STPG2: variants seen among roughly 807,000 people sequenced by gnomAD.
The protein encoded by STPG2 is sperm tail PG-rich repeat containing 2.
Under a neutral mutation model 54.2 loss-of-function variants are expected in STPG2, and 56 were observed. The ratio of observed to expected loss-of-function variants is 1.03; its 90% confidence interval spans 0.83 to 1.29. The LOEUF (loss-of-function observed/expected upper bound fraction) is 1.29, where lower values mean the gene tolerates loss of function less well. Among genes scored for constraint, STPG2 ranks in the 50% most tolerant of loss-of-function variants. The pLI, the probability that STPG2 is intolerant of heterozygous loss-of-function variation, is 0.00. For synonymous variants in STPG2, 200 were observed against 181.8 expected (o/e 1.10, Z -0.81); for missense variants, 596 against 544.9 (o/e 1.09, Z -0.93).
Position 97,475,485 on chromosome 4 carries a change from T to A in STPG2, c.462+237214A>T, listed in dbSNP as rs538767047. Among the ~76,000 whole-genome samples, 276 of 149,304 alleles carry A rather than the reference T, an allele frequency of 1.8e-3. 1 individual carries two copies. The highest frequency in any genetic ancestry group is 6.4e-3 in the African/African-American group (263 of 40,996). ...ATATATGTTATATATAATACATATATAATATATGCATATATGTAAAATATG... is the reference window on the plus strand; with the variant it reads ...ATATATGTTATATATAATACATATAAAATATATGCATATATGTAAAATATG... On this transcript the variant is annotated intron_variant, in intron 4 of 4. Transcript: ENST00000522676.
downstream of STPG2, among the ~76,000 whole-genome samples, chr4:97,557,316 A>C (rs985294139): frequency 6.6e-6 from 1 of 152,220 alleles, no homozygotes; most frequent in Non-Finnish European, 1.5e-5. Context: ...TTCCCTAGTT[A>C]GCAATCAGAG....
intron 7 of STPG2, among the ~76,000 whole-genome samples, chr4:97,970,060 T>C (rs1408210402): frequency 6.6e-6 from 1 of 152,182 alleles, no homozygotes; most frequent in Non-Finnish European, 1.5e-5. Flanking sequence ...CCATTCACAA[T>C]TGCTTCAAAG....
intron 8 of STPG2, among the ~76,000 whole-genome samples, chr4:97,888,749 A>G (rs767679586): frequency 6.6e-4 from 101 of 152,124 alleles, no homozygotes; most frequent in Non-Finnish European, 1.2e-3. Context: ...TTGGGAGGGG[A>G]CAGAGGTGGA....
chr4:97,895,805 C>A (rs532540848), intron 8 of STPG2, among the ~76,000 whole-genome samples: 5 of 151,728 alleles, frequency 3.3e-5, no homozygotes, highest in African/African-American at 4.8e-5. Flanking sequence ...GGCTCTCAAT[C>A]CTGTCTGTGG....
chr4:98,137,327 A>G (rs1740161595), intron 1 of STPG2, among the ~76,000 whole-genome samples: 1 of 151,008 alleles, frequency 6.6e-6, no homozygotes, highest in Non-Finnish European at 1.5e-5. Flanking sequence ...AGTTATTACC[A>G]TAATAATCAG....
intron 10 of STPG2, among the ~76,000 whole-genome samples, chr4:97,582,721 G>T (rs1732892918): frequency 6.6e-6 from 1 of 152,016 alleles, no homozygotes; most frequent in African/African-American, 2.4e-5. Flanking sequence ...AAGTTCAACT[G>T]CTGTATTTAC....
At chr4:97,690,387 G>T (rs1041552102) in intron 10 of STPG2, among the ~76,000 whole-genome samples, 1 of 152,040 alleles carries the variant, frequency 6.6e-6, no homozygotes, top group Non-Finnish European at 1.5e-5. Context: ...CCAGAAGGTA[G>T]CCACTTTTAG....
chr4:97,919,323 G>T (rs1333663745), intron 8 of STPG2, among the ~76,000 whole-genome samples: 1 of 150,574 alleles, frequency 6.6e-6, no homozygotes, highest in Non-Finnish European at 1.5e-5. Flanking sequence ...CACAAGAAAT[G>T]CAAAAGAAAA....
intron 7 of STPG2, among the ~76,000 whole-genome samples, chr4:97,967,577 A>G (rs1481441719): frequency 6.6e-6 from 1 of 152,196 alleles, no homozygotes; most frequent in Non-Finnish European, 1.5e-5. Context: ...ACCACACTGC[A>G]CCTATTCCAA....
At chr4:97,506,963 T>C (rs1358922085) in intron 4 of STPG2, among the ~76,000 whole-genome samples, 1 of 151,988 alleles carries the variant, frequency 6.6e-6, no homozygotes, top group African/African-American at 2.4e-5. Flanking sequence ...AATCCAAACT[T>C]GAAAATCATA....
chr4:97,633,772 G>C (rs1721389390), intron 10 of STPG2: 1 of 154,128 alleles, frequency 6.5e-6, no homozygotes, highest in African/African-American at 2.4e-5. Flanking sequence ...CCCGAATACT[G>C]CGCTTTTCCG....
intron 10 of STPG2, among the ~76,000 whole-genome samples, chr4:97,659,663 T>C (rs1204205402): frequency 6.6e-6 from 1 of 152,226 alleles, no homozygotes; most frequent in Non-Finnish European, 1.5e-5. Flanking sequence ...ATAATCCTTG[T>C]AGGTTTCAGT....
chr4:97,954,148 G>A (rs935077454), intron 7 of STPG2, among the ~76,000 whole-genome samples: 1 of 152,176 alleles, frequency 6.6e-6, no homozygotes, highest in East Asian at 1.9e-4. Flanking sequence ...TAGAGGAAAT[G>A]AGTAGTTTAC....
chr4:97,969,943 T>C (rs925987842), intron 7 of STPG2, among the ~76,000 whole-genome samples: 1 of 152,198 alleles, frequency 6.6e-6, no homozygotes, highest in East Asian at 1.9e-4. Context: ...CTTAAGCTGA[T>C]AAGCAACTTC....
intron 5 of STPG2, among the ~76,000 whole-genome samples, chr4:98,059,626 T>C (rs1315863977): frequency 7.2e-6 from 1 of 139,082 alleles, no homozygotes; most frequent in Non-Finnish European, 1.5e-5. Flanking sequence ...CCAATATCTT[T>C]GATGAATATC....
At chr4:98,136,148 T>C (rs1740129012) in intron 1 of STPG2, among the ~76,000 whole-genome samples, 1 of 151,582 alleles carries the variant, frequency 6.6e-6, no homozygotes, top group Non-Finnish European at 1.5e-5. Context: ...AGGGAAGATA[T>C]AAAAAAGACC....
intron 5 of STPG2, among the ~76,000 whole-genome samples, chr4:98,016,375 A>T (rs536339825): frequency 5.6e-4 from 85 of 152,098 alleles, no homozygotes; most frequent in African/African-American, 2.0e-3. Flanking sequence ...TTCTTTTTCT[A>T]TGCTCCTCTG....
At chr4:97,579,166 T>C (rs889519170) in intron 10 of STPG2, among the ~76,000 whole-genome samples, 1 of 152,100 alleles carries the variant, frequency 6.6e-6, no homozygotes, top group East Asian at 1.9e-4. Context: ...ATAATAATCA[T>C]TAGTTATGGC....
At chr4:98,069,424 A>G (rs1410607446) in intron 5 of STPG2, among the ~76,000 whole-genome samples, 1 of 152,038 alleles carries the variant, frequency 6.6e-6, no homozygotes, top group African/African-American at 2.4e-5. Flanking sequence ...CCCATCTGTC[A>G]TCATGATTTG....
Sources: allele counts gnomAD v4.1 joint callset (sites outside exome capture counted in the v4.1 genomes callset), GRCh38; gene constraint gnomAD v4.1.1; transcripts MANE v1.5; gene names NCBI Gene and HGNC (gene_info 2026-07-23, HGNC 2026-07-21).